RAD51B: variants seen among roughly 807,000 people sequenced by gnomAD.
RAD51B encodes the protein DNA repair protein RAD51 homolog 2.
A neutral mutation model predicts 42.2 loss-of-function variants in RAD51B; 38 were observed. That is an observed-to-expected ratio of 0.90 (90% CI 0.70 to 1.18). The LOEUF (loss-of-function observed/expected upper bound fraction) is 1.18. Among genes scored for constraint, RAD51B ranks in the 50% most tolerant of loss-of-function variants. The pLI is 0.00. For missense variants in RAD51B, 373 were observed against 400.7 expected (o/e 0.93, Z 0.59); for synonymous variants, 154 against 145.2 (o/e 1.06, Z -0.43).
intron 8 of RAD51B, chr14:68,339,443 A>G: frequency 3.3e-6 from 2 of 612,010 alleles, no homozygotes; most frequent in Non-Finnish European, 2.9e-6. Context: ...CAAACAGGGG[A>G]TTCACCACTT....
intron 7 of RAD51B, among the ~76,000 whole-genome samples, chr14:68,287,543 C>T (rs1478761794): frequency 6.6e-6 from 1 of 152,128 alleles, no homozygotes; most frequent in East Asian, 1.9e-4. Flanking sequence ...CTATCTTTTC[C>T]TTTGTCCAAG....
intron 8 of RAD51B, among the ~76,000 whole-genome samples, chr14:68,323,110 A>T (rs1413721498): frequency 2.0e-5 from 3 of 152,164 alleles, no homozygotes; most frequent in Non-Finnish European, 2.9e-5. Flanking sequence ...CAAGGAGAAC[A>T]CAGGGACAAA....
intron 7 of RAD51B, among the ~76,000 whole-genome samples, chr14:68,153,072 A>G (rs1230957464): frequency 6.6e-6 from 1 of 152,100 alleles, no homozygotes; most frequent in Non-Finnish European, 1.5e-5. Context: ...TACATGTGCT[A>G]TGTCTTTATG....
At chr14:67,826,499 G>A (rs1242923489) in intron 3 of RAD51B, among the ~76,000 whole-genome samples, 3 of 151,902 alleles carry the variant, frequency 2.0e-5, no homozygotes, top group Admixed American at 6.6e-5. Context: ...AATTCTGTTC[G>A]GTGCTTTGCA....
intron 10 of RAD51B, among the ~76,000 whole-genome samples, chr14:68,584,892 C>T (rs372206383): frequency 1.9e-4 from 29 of 152,204 alleles, no homozygotes; most frequent in Middle Eastern, 3.4e-3. Context: ...ATGAGGAAAC[C>T]GAGAGAGAGG....
At chr14:68,543,423 A>G (rs1888067923) in intron 10 of RAD51B, among the ~76,000 whole-genome samples, 2 of 152,244 alleles carry the variant, frequency 1.3e-5, no homozygotes, top group Admixed American at 1.3e-4. Context: ...AAATGATTCA[A>G]TAAAGACATA....
chr14:67,961,869 G>C (rs961603836), intron 7 of RAD51B, among the ~76,000 whole-genome samples: 1 of 152,264 alleles, frequency 6.6e-6, no homozygotes. Context: ...AAAAGAGATC[G>C]CTGACTACAG....
intron 10 of RAD51B, among the ~76,000 whole-genome samples, chr14:68,537,827 T>C (rs113312395): frequency 0.011 from 1,707 of 152,300 alleles, 19 homozygotes; most frequent in African/African-American, 0.026. Flanking sequence ...AATATTTCCA[T>C]GTGTAATCTC....
At chr14:67,951,641 G>A (rs768386185) in intron 7 of RAD51B, among the ~76,000 whole-genome samples, 12 of 152,032 alleles carry the variant, frequency 7.9e-5, no homozygotes, top group Non-Finnish European at 1.5e-4. Context: ...ATCAATAGGT[G>A]AAAGTTCAGG....
At chr14:68,453,175 A>T (rs1037524165) in intron 9 of RAD51B, among the ~76,000 whole-genome samples, 1 of 152,212 alleles carries the variant, frequency 6.6e-6, no homozygotes, top group African/African-American at 2.4e-5. Context: ...CTGCACTTTA[A>T]TGTGGAGGTT....
rs1379045958 is a variant in RAD51B at position 68,246,071 on chromosome 14, T to C, written c.757-45813T>C. 5.9e-5 allele frequency among the ~76,000 whole-genome samples: 9 copies of C among 152,282 alleles called. No homozygotes were observed. In the East Asian group the frequency reaches 1.7e-3, roughly 29 times the overall value. ...GAATTTAGACTTAAAGTTTTATATG[T>C]TATTTTGTTTAGGGTAAATGTGAAA... is the stretch of plus-strand genomic sequence containing the variant. On this transcript the variant is annotated intron_variant, in intron 7 of 10. Coordinates refer to ENST00000471583, the MANE Select transcript of RAD51B (RefSeq NM_133510.4).
intron 10 of RAD51B, among the ~76,000 whole-genome samples, chr14:68,638,068 C>A (rs1485510129): frequency 6.6e-6 from 1 of 152,228 alleles, no homozygotes; most frequent in African/African-American, 2.4e-5. Flanking sequence ...GCCTCAAAGT[C>A]ACAATGTCCC....
chr14:68,018,857 C>T (rs1008199024), intron 7 of RAD51B, among the ~76,000 whole-genome samples: 2 of 152,032 alleles, frequency 1.3e-5, no homozygotes, highest in East Asian at 1.9e-4. Flanking sequence ...AGTAAATAAG[C>T]CTAAGTTCAA....
chr14:68,185,904 C>A (rs533837717), intron 7 of RAD51B, among the ~76,000 whole-genome samples: 1 of 152,122 alleles, frequency 6.6e-6, no homozygotes, highest in East Asian at 1.9e-4. Flanking sequence ...CCTGGGGGTA[C>A]CCCTGCACAA....
At chr14:68,513,736 G>A (rs769951459) in intron 10 of RAD51B, among the ~76,000 whole-genome samples, 1 of 152,118 alleles carries the variant, frequency 6.6e-6, no homozygotes. Context: ...TCATCACTTC[G>A]CTGGCTTTTG....
At chr14:68,458,804 T>A (rs1027539577) in intron 9 of RAD51B, among the ~76,000 whole-genome samples, 1 of 152,174 alleles carries the variant, frequency 6.6e-6, no homozygotes, top group African/African-American at 2.4e-5. Flanking sequence ...GACAAATTAA[T>A]AAATTCATGC....
chr14:67,826,765 C>T (rs34768780), intron 3 of RAD51B, among the ~76,000 whole-genome samples: 3,694 of 150,178 alleles, frequency 0.025, 75 homozygotes, highest in African/African-American at 0.056. Flanking sequence ...TCAGTGCAGC[C>T]TCCGCCTCCT....
At chr14:68,481,359 A>G (rs1438595145), downstream of RAD51B, among the ~76,000 whole-genome samples, 1 of 152,176 alleles carries the variant, frequency 6.6e-6, no homozygotes, top group Non-Finnish European at 1.5e-5. Flanking sequence ...AGGAAAACAT[A>G]TCCTAATTCC....
chr14:68,612,866 G>C (rs1019106034), downstream of RAD51B, among the ~76,000 whole-genome samples: 2 of 151,650 alleles, frequency 1.3e-5, no homozygotes, highest in African/African-American at 2.4e-5. Flanking sequence ...AGGGAGGAAG[G>C]GGGAGGGAGA....
Sources: allele counts gnomAD v4.1 joint callset (sites outside exome capture counted in the v4.1 genomes callset), GRCh38; gene constraint gnomAD v4.1.1; transcripts MANE v1.5; gene names NCBI Gene and HGNC (gene_info 2026-07-23, HGNC 2026-07-21).